Variants in ROBO1 observed in about 807,000 individuals in gnomAD.
ROBO1 encodes roundabout homolog 1.
In ROBO1, 149 loss-of-function variants were observed where a neutral mutation model predicts 195.9. The ratio of observed to expected loss-of-function variants is 0.76; its 90% CI spans 0.67 to 0.87. The LOEUF (loss-of-function observed/expected upper bound fraction) is 0.87, where lower values mean the gene tolerates loss of function less well. ROBO1 is among the 40% of genes least tolerant of loss of function. The probability of loss-of-function intolerance (pLI) is 0.00; values close to 1 mark genes in which losing one functional copy is unlikely to be tolerated. For missense variants in ROBO1, 1,933 were observed against 2,068.3 expected, an observed-to-expected ratio of 0.93 and a Z score of 1.27; for synonymous variants, 816 against 733.2, an observed-to-expected ratio of 1.11 and a Z score of -1.82.
At chr3:79,297,897 T>C (rs2032677405) in intron 2 of ROBO1, among the ~76,000 whole-genome samples, 1 of 152,226 alleles carries the variant, frequency 6.6e-6, no homozygotes, top group African/African-American at 2.4e-5. Flanking sequence ...TATAGCATCA[T>C]GTTGTCATGG....
At chr3:79,665,641 A>T (rs892755195) in intron 1 of ROBO1, among the ~76,000 whole-genome samples, 2 of 151,944 alleles carry the variant, frequency 1.3e-5, no homozygotes, top group African/African-American at 4.8e-5. Context: ...TATAGAGATC[A>T]CCACCTAAAA....
At chr3:79,129,860 A>T (rs938197333) in intron 2 of ROBO1, among the ~76,000 whole-genome samples, 2 of 149,166 alleles carry the variant, frequency 1.3e-5, no homozygotes, top group Non-Finnish European at 1.5e-5. Flanking sequence ...TTTTTGTATA[A>T]GGTGTAAGGA....
intron 2 of ROBO1, among the ~76,000 whole-genome samples, chr3:79,412,411 T>G (rs916651529): frequency 4.6e-5 from 7 of 152,148 alleles, no homozygotes; most frequent in African/African-American, 1.4e-4. Context: ...GATTTCAGCA[T>G]TTTCCCATCT....
chr3:79,102,693 A>G (rs535213648), intron 3 of ROBO1, among the ~76,000 whole-genome samples: 32 of 151,966 alleles, frequency 2.1e-4, no homozygotes, highest in Non-Finnish European at 4.3e-4. Flanking sequence ...CTTCACTTGG[A>G]CAGAACTTGA....
rs146239540 is a variant in ROBO1 at position 79,398,923 on chromosome 3, G to GT, written c.88+190900dup. Among the ~76,000 whole-genome samples the GT allele has an allele frequency of 4.9e-4, 73 of 148,476 alleles. 2 individuals are homozygous for GT. The South Asian group carries it at 8.1e-3, about 17-fold the overall frequency. ...ACTGTGCTTTATACATAAAAAGTAT[G>GT]TTTTTTTTTTCACCCCACATGATCA... On this transcript the variant is annotated intron_variant, in intron 2 of 30. Coordinates refer to ENST00000464233, the MANE Select transcript of ROBO1 (RefSeq NM_002941.4).
chr3:78,690,347 A>G (rs1232043889), intron 8 of ROBO1, among the ~76,000 whole-genome samples: 1 of 151,994 alleles, frequency 6.6e-6, no homozygotes. Flanking sequence ...AGGAGACCTG[A>G]AAAATCAGGT....
chr3:78,711,690 T>C (rs1418493323), intron 8 of ROBO1, among the ~76,000 whole-genome samples: 1 of 150,354 alleles, frequency 6.7e-6, no homozygotes, highest in African/African-American at 2.5e-5. Flanking sequence ...GGTTTCACCA[T>C]GTTAGTCAGG....
chr3:78,737,857 A>T (rs1362742124), intron 5 of ROBO1, among the ~76,000 whole-genome samples: 2 of 152,202 alleles, frequency 1.3e-5, no homozygotes, highest in Non-Finnish European at 2.9e-5. Flanking sequence ...TTTATGTAAG[A>T]TGAACCCCAA....
chr3:78,800,913 C>T (rs1312006575), intron 4 of ROBO1, among the ~76,000 whole-genome samples: 2 of 151,980 alleles, frequency 1.3e-5, no homozygotes, highest in Non-Finnish European at 2.9e-5. Context: ...AGTTGAGGGG[C>T]TCTAATCAAG....
At chr3:79,255,754 T>C (rs1466974285) in intron 2 of ROBO1, among the ~76,000 whole-genome samples, 9 of 152,126 alleles carry the variant, frequency 5.9e-5, no homozygotes, top group Non-Finnish European at 1.3e-4. Flanking sequence ...CTGAATAATG[T>C]CAAATATTAA....
chr3:79,577,123 AT>A (rs11317615), intron 2 of ROBO1, among the ~76,000 whole-genome samples: 40,886 of 151,528 alleles, frequency 0.27, 5,627 homozygotes, highest in Non-Finnish European at 0.31. Flanking sequence ...TACACAATAC[AT>A]AGTTTACAAT....
chr3:78,644,725 T>G (rs111775620), intron 21 of ROBO1, among the ~76,000 whole-genome samples: 107 of 152,316 alleles, frequency 7.0e-4, no homozygotes, highest in African/African-American at 2.5e-3. Flanking sequence ...GTTTCCCATG[T>G]GCCAGTTTGC....
chr3:79,311,863 A>C (rs924944163), intron 2 of ROBO1, among the ~76,000 whole-genome samples: 2 of 152,156 alleles, frequency 1.3e-5, no homozygotes, highest in African/African-American at 4.8e-5. Context: ...ACACTATCTC[A>C]AGAGATACTC....
intron 3 of ROBO1, among the ~76,000 whole-genome samples, chr3:79,025,083 C>T (rs1320594882): frequency 6.6e-6 from 1 of 152,124 alleles, no homozygotes; most frequent in Non-Finnish European, 1.5e-5. Context: ...TCTCCCCCTA[C>T]ATTTACCTGC....
intron 2 of ROBO1, among the ~76,000 whole-genome samples, chr3:79,343,527 C>T (rs1449812668): frequency 6.6e-6 from 1 of 152,094 alleles, no homozygotes; most frequent in African/African-American, 2.4e-5. Flanking sequence ...TTGTGATTAA[C>T]AGGTTAGAAT....
chr3:78,895,819 A>C (rs887698577), intron 4 of ROBO1, among the ~76,000 whole-genome samples: 2 of 152,242 alleles, frequency 1.3e-5, no homozygotes, highest in African/African-American at 4.8e-5. Context: ...AAATCTGGAC[A>C]CAACATTTGA....
At chr3:79,416,521 T>C (rs2038010550) in intron 2 of ROBO1, among the ~76,000 whole-genome samples, 1 of 149,728 alleles carries the variant, frequency 6.7e-6, no homozygotes, top group African/African-American at 2.5e-5. Context: ...TGTGGGACGA[T>C]TGTTTGAGCC....
At chr3:78,757,823 A>C (rs1467979731) in intron 4 of ROBO1, among the ~76,000 whole-genome samples, 1 of 152,206 alleles carries the variant, frequency 6.6e-6, no homozygotes, top group Non-Finnish European at 1.5e-5. Flanking sequence ...AAACAAAGGG[A>C]TCTTTAATTG....
chr3:78,753,613 C>T (rs957446435), intron 4 of ROBO1, among the ~76,000 whole-genome samples: 2 of 152,208 alleles, frequency 1.3e-5, no homozygotes, highest in African/African-American at 4.8e-5. Flanking sequence ...TTGGCTGCAC[C>T]TATCGACCTG....
Sources: allele counts gnomAD v4.1 joint callset (sites outside exome capture counted in the v4.1 genomes callset), GRCh38; gene constraint gnomAD v4.1.1; transcripts MANE v1.5; gene names NCBI Gene and HGNC (gene_info 2026-07-23, HGNC 2026-07-21).